Variants in DDX6 observed in about 807,000 individuals in gnomAD.
DDX6 encodes the protein DEAD-box helicase 6, also known as probable ATP-dependent RNA helicase DDX6.
DDX6 carries 7 observed loss-of-function variants against 60.6 expected under a neutral mutation model. The observed-to-expected ratio is 0.12, with a 90% CI of 0.07 to 0.22. DDX6 has a LOEUF of 0.22. DDX6 is among the 10% of genes least tolerant of loss of function. The pLI is 1.00. For missense variants in DDX6, 270 were observed against 589.9 expected, an observed-to-expected ratio of 0.46 and a Z score of 5.62; for synonymous variants, 207 against 201.0, an observed-to-expected ratio of 1.03 and a Z score of -0.25.
In DDX6 at chr11:118,756,028, CCA is replaced by C. The variant is rs797041943; in HGVS notation, c.1174+230_1174+231del. Among the ~76,000 whole-genome samples, 467 of 97,246 alleles carry C rather than the reference CCA, an allele frequency of 4.8e-3. 3 individuals are homozygous for C. The highest frequency in any genetic ancestry group is 0.012 in the African/African-American group (350 of 28,648). The allele number at this position is 97,246 out of a possible 152,430, so 63.8% of individuals were successfully genotyped here. A position where few individuals can be genotyped will look rare whatever the true frequency, so the allele number is the denominator to read the frequency against. On this transcript the variant is annotated intron_variant, in intron 11 of 13. Transcript: ENST00000534980. ...GATTCCATCCCCCTCCCCCCCCCCCCCAAAAAAAAGACAGAGATGAGGTATGA... is the reference window on the plus strand; with the variant it reads ...GATTCCATCCCCCTCCCCCCCCCCCCAAAAAAAGACAGAGATGAGGTATGA...
In DDX6 at chr11:118,758,915, C is replaced by T. The variant is rs532634727; in HGVS notation, c.865-13G>A. 6.8e-6 allele frequency: 11 copies of T among 1,611,048 alleles called. No individual in the cohort carries two copies. Among genetic ancestry groups the T allele is most frequent in the African/African-American group, 2.7e-5 (2 of 74,752 alleles). ...GCAAATGGGAATTCTGGGGGGGGAG[C>T]GGGAAAAAGATGAGTCGTCGTCTTA... On this transcript the variant is annotated splice_polypyrimidine_tract_variant and intron_variant, in intron 8 of 13. Transcript: ENST00000534980.
chr11:118,765,473 G>T, intron 5 of DDX6, 118 bp from the exon 6 acceptor site: 5 of 1,022,310 alleles, frequency 4.9e-6, no homozygotes, highest in African/African-American at 1.6e-5. Context: ...TGATGCAGTG[G>T]CTCACACCTG....
rs1288655386 is a variant in DDX6 at position 118,768,446 on chromosome 11, T to TAAA, written c.370-95_370-94insTTT. 9.0e-6 allele frequency: 12 copies of TAAA among 1,338,732 alleles called. No homozygotes were observed. In the East Asian group the frequency reaches 1.4e-4, roughly 16 times the overall value. The allele number at this position is 1,338,732 out of a possible 1,614,324, so 82.9% of individuals were successfully genotyped here. ...CACTGAAGGATACCTCTTTCGGTAT[T>TAAA]GCTTTAAGTGTCCTAAGTATCCTAC... is the stretch of plus-strand genomic sequence containing the variant. On this transcript the variant is annotated intron_variant, in intron 4 of 13. Coordinates refer to ENST00000534980, the MANE Select transcript of DDX6 (RefSeq NM_004397.6).
Position 118,779,619 on chromosome 11 carries a change from A to C in DDX6, c.369+13T>G. 6.4e-7 allele frequency: 1 copy of C among 1,555,458 alleles called. No homozygotes were observed. The highest frequency in any genetic ancestry group is 1.1e-5 in the South Asian group (1 of 87,400). ...ACATAACCTTACATATGTGATAAAA[A>C]GGGTTAACATACCTGAATAGGAGAT... On this transcript the variant is annotated intron_variant, in intron 4 of 13. Coordinates refer to ENST00000534980, the MANE Select transcript of DDX6 (RefSeq NM_004397.6).
intron 8 of DDX6, chr11:118,759,134 C>T: frequency 2.6e-6 from 1 of 384,920 alleles, no homozygotes; most frequent in Non-Finnish European, 4.7e-6. Context: ...ATCTCTGCTC[C>T]CTGCAACCTC....
rs367848491 is a variant in DDX6, at chr11:118,763,310, T to C, written c.647-4A>G. On this transcript the variant is annotated splice_polypyrimidine_tract_variant and splice_region_variant and intron_variant, in intron 6 of 13. Coordinates refer to ENST00000534980, the MANE Select transcript of DDX6 (RefSeq NM_004397.6). The stretch of plus-strand genomic sequence containing the variant: ...GGGGTAGCAATCACCACGTGCACTA[T>C]GCAAGATTTAGAAAACATACATTCT... The C allele has an allele frequency of 1.3e-4, 206 of 1,604,784 alleles. No homozygotes were observed. In the African/African-American group the frequency reaches 2.2e-3, roughly 17 times the overall value.
chr11:118,788,846 A>T (rs1329420063), intron 1 of DDX6: 2 of 150,892 alleles, frequency 1.3e-5, no homozygotes, highest in Admixed American at 1.3e-4. Context: ...GGTCTGGCTA[A>T]TTTCTGTATT....
At position 118,751,960 on chromosome 11, in the gene DDX6, T is replaced by G. The variant is rs1342702622; in HGVS notation, c.*145A>C. 2 of 396,784 alleles carry G rather than the reference T, an allele frequency of 5.0e-6. No individual in the cohort carries two copies. Among genetic ancestry groups the G allele is most frequent in the African/African-American group, 4.3e-5 (2 of 46,552 alleles). 24.6% of individuals were successfully genotyped at this position (396,784 alleles called of 1,614,324 possible). A position where few individuals can be genotyped will look rare whatever the true frequency, so the allele number is the denominator to read the frequency against. On this transcript the variant is annotated 3_prime_UTR_variant, in exon 14 of 14. Coordinates refer to ENST00000534980, the MANE Select transcript of DDX6 (RefSeq NM_004397.6). ...TTTTCAGCCTTTTTCTCTTCACCAG[T>G]TAAAAAAAGAAAATGTCTGAGCTCT...
chr11:118,759,894 C>A, intron 8 of DDX6, 28 bp downstream of exon 8: 4 of 1,602,532 alleles, frequency 2.5e-6, no homozygotes, highest in Non-Finnish European at 3.4e-6. Flanking sequence ...CAGGATGGCA[C>A]TGATTCCAAG....
intron 6 of DDX6, among the ~76,000 whole-genome samples, chr11:118,764,500 G>A (rs1861282708): frequency 6.6e-6 from 1 of 152,016 alleles, no homozygotes; most frequent in East Asian, 1.9e-4. Context: ...CTTCAGGAAA[G>A]ATTCTTAAAA....
chr11:118,764,319 G>A (rs1032559607), intron 6 of DDX6, among the ~76,000 whole-genome samples: 24 of 152,056 alleles, frequency 1.6e-4, no homozygotes, highest in African/African-American at 5.3e-4. Flanking sequence ...TCATGAAAAT[G>A]AATACAGGTC....
At chr11:118,758,134 G>A (rs1275783522) in intron 9 of DDX6, among the ~76,000 whole-genome samples, 11 of 152,260 alleles carry the variant, frequency 7.2e-5, no homozygotes, top group African/African-American at 2.4e-4. Flanking sequence ...CACTGTACAC[G>A]TCCACAAATG....
chr11:118,757,809 T>C (rs1307562517), intron 9 of DDX6, among the ~76,000 whole-genome samples: 1 of 152,150 alleles, frequency 6.6e-6, no homozygotes, highest in Non-Finnish European at 1.5e-5. Flanking sequence ...CAGGCTGGTC[T>C]TGAACTCTTG....
rs1445653193 is a variant in DDX6 at position 118,748,432 on chromosome 11, A to G, written c.*3673T>C. On this transcript the variant is annotated 3_prime_UTR_variant, in exon 14 of 14. Transcript: ENST00000534980. ...CAAAGTACAACTACAATCTCACAGA[A>G]GTCCACTAAAGTTCACCAAAAAGCT... The G allele has an allele frequency of 1.3e-5, 2 of 152,232 alleles. No homozygotes were observed. The highest frequency in any genetic ancestry group is 4.8e-5 in the African/African-American group (2 of 41,458). 9.4% of individuals were successfully genotyped at this position (152,232 alleles called of 1,614,324 possible). A position where few individuals can be genotyped will look rare whatever the true frequency, so the allele number is the denominator to read the frequency against.
At chr11:118,755,809 T>A (rs1351669579) in intron 11 of DDX6, among the ~76,000 whole-genome samples, 2 of 151,616 alleles carry the variant, frequency 1.3e-5, no homozygotes, top group African/African-American at 4.8e-5. Context: ...AGGTCAGGAG[T>A]TCGAGACCAG....
chr11:118,757,221 T>C lies in DDX6; in HGVS notation c.1060A>G (p.Ile354Val). 1 of 1,591,270 alleles carries C rather than the reference T, an allele frequency of 6.3e-7. No homozygotes were observed. The highest frequency in any genetic ancestry group is 8.5e-7 in the Non-Finnish European group (1 of 1,170,178). ...AAGCAAGAATAACCCAGTTGAGAAATCTTCTTGGCTAGCAATTCAACTCGC... is the reference window on the plus strand; with the variant it reads ...AAGCAAGAATAACCCAGTTGAGAAACCTTCTTGGCTAGCAATTCAACTCGC... ...SQRVELLAKK[I>V]SQLGYSCFYI... The change falls in exon 10 of 14, where the codon ATT (isoleucine) becomes GTT (valine). Residue 354 changes from isoleucine to valine, a missense_variant. Ile to Val is a conservative substitution (Grantham distance 29). Coordinates refer to ENST00000534980, the MANE Select transcript of DDX6 (RefSeq NM_004397.6).
chr11:118,767,742 C>T (rs1372720436), intron 5 of DDX6: 1 of 148,378 alleles, frequency 6.7e-6, no homozygotes, highest in Admixed American at 7.0e-5. Flanking sequence ...CAGTGACTCT[C>T]GTGCCTCAGA....
chr11:118,756,321 T>C lies in DDX6; in HGVS notation c.1113A>G (p.Glu371=). ...CFYIHAKMRQ[E]HRNRVFHDFR... is the part of the protein sequence containing the mutation. Reference sequence around the variant, plus strand: ...AATCATGAAATACACGATTTCGATGTTCCTAGGAGAAAGCAATGTATTCCA... The same window carrying C: ...AATCATGAAATACACGATTTCGATGCTCCTAGGAGAAAGCAATGTATTCCA... Residue 371 remains glutamate (E), a splice_region_variant and synonymous_variant, in exon 11 of 14, where the codon GAA becomes GAG. Coordinates refer to ENST00000534980, the MANE Select transcript of DDX6 (RefSeq NM_004397.6). 1.9e-6 allele frequency: 3 copies of C among 1,612,986 alleles called. No homozygotes were observed. Among genetic ancestry groups the C allele is most frequent in the Non-Finnish European group, 2.5e-6 (3 of 1,179,070 alleles).
At chr11:118,754,549 C>T (rs1860897736) in intron 13 of DDX6, 156 bp downstream of exon 13, 1 of 602,816 alleles carries the variant, frequency 1.7e-6, no homozygotes, top group African/African-American at 1.9e-5. Flanking sequence ...AGACTACAAC[C>T]TCCCACAAGA....
Sources: allele counts gnomAD v4.1 joint callset (sites outside exome capture counted in the v4.1 genomes callset), GRCh38; gene constraint gnomAD v4.1.1; transcripts MANE v1.5; gene names NCBI Gene and HGNC (gene_info 2026-07-23, HGNC 2026-07-21).